The following GATB variants were observed in gnomAD, a reference collection of about 807,000 sequenced individuals.
GATB encodes the protein glutamyl-tRNA amidotransferase subunit B.
A neutral mutation model predicts 62.3 loss-of-function variants in GATB; 39 were observed. The observed-to-expected ratio is 0.63, with a 90% CI of 0.48 to 0.82. The LOEUF (loss-of-function observed/expected upper bound fraction) is 0.82, where lower values mean the gene tolerates loss of function less well. Ranked by LOEUF, GATB falls within the 40% of genes least tolerant of loss-of-function variation. GATB has a pLI of 0.00. For synonymous variants in GATB, 276 were observed against 258.9 expected, an observed-to-expected ratio of 1.07 and a Z score of -0.63; for missense variants, 670 against 684.0, an observed-to-expected ratio of 0.98 and a Z score of 0.23.
chr4:151,690,229 A>T (rs1738335643), intron 9 of GATB, among the ~76,000 whole-genome samples: 1 of 152,238 alleles, frequency 6.6e-6, no homozygotes, highest in African/African-American at 2.4e-5. Context: ...CAGAAATTCC[A>T]TAATAATAAA....
intron 2 of GATB, among the ~76,000 whole-genome samples, chr4:151,754,287 G>A (rs537049504): frequency 2.0e-5 from 3 of 152,264 alleles, no homozygotes; most frequent in East Asian, 1.9e-4. Flanking sequence ...AGCAAGCCAC[G>A]TTGTTTTTCT....
intron 2 of GATB, among the ~76,000 whole-genome samples, chr4:151,745,580 G>A (rs928592987): frequency 1.2e-4 from 19 of 152,222 alleles, no homozygotes; most frequent in African/African-American, 4.6e-4. Flanking sequence ...CTGCTGCAAT[G>A]TGCATACATA....
At chr4:151,731,115 C>G (rs986665395) in intron 2 of GATB, among the ~76,000 whole-genome samples, 1 of 150,610 alleles carries the variant, frequency 6.6e-6, no homozygotes, top group African/African-American at 2.5e-5. Context: ...CCCCCTCCCC[C>G]TCTCCCCACG....
chr4:151,752,091 AT>A (rs968380856), intron 2 of GATB, among the ~76,000 whole-genome samples: 1 of 151,966 alleles, frequency 6.6e-6, no homozygotes, highest in African/African-American at 2.4e-5. Flanking sequence ...TAGAATTATA[AT>A]TTTTTTTCCC....
rs564344016 is a variant in GATB, at chr4:151,691,003, C to T, written c.1198-2240G>A. Among the ~76,000 whole-genome samples, 7 of 152,334 alleles carry T rather than the reference C, an allele frequency of 4.6e-5. No homozygotes were observed. In the East Asian group the frequency reaches 1.4e-3, roughly 29 times the overall value. On this transcript the variant is annotated intron_variant, in intron 9 of 12. Coordinates refer to ENST00000263985, the MANE Select transcript of GATB (RefSeq NM_004564.3). The stretch of plus-strand genomic sequence containing the variant: ...CTGCTTCTGAGGGAAGAAACACACA[C>T]ATTCTAGTTTCCTCATCTTCTTAGT...
chr4:151,674,453 ATAATAAAAGT>A (rs1472852333), intron 11 of GATB: 1 of 152,206 alleles, frequency 6.6e-6, no homozygotes, highest in East Asian at 1.9e-4. Context: ...TCATTTTCTA[ATAATAAAAGT>A]TAATACACAT....
intron 1 of GATB, 26 bp from the exon 2 acceptor site, chr4:151,758,948 G>C (rs1560869462): frequency 6.5e-7 from 1 of 1,545,630 alleles, no homozygotes; most frequent in Non-Finnish European, 8.8e-7. Context: ...TAATGGTTAA[G>C]ATGTATTATA....
chr4:151,703,508 A>G (rs1578911064), intron 8 of GATB: 2 of 304,630 alleles, frequency 6.6e-6, no homozygotes, highest in East Asian at 1.4e-4. Context: ...CGTATTACTG[A>G]ATCAGTTACT....
intron 11 of GATB, 60 bp downstream of exon 11, chr4:151,679,753 C>A: frequency 7.1e-7 from 1 of 1,401,430 alleles, no homozygotes; most frequent in South Asian, 1.2e-5. Flanking sequence ...ATTTGGGTGT[C>A]ACAGAAAACA....
chr4:151,689,713 C>T (rs1431021264), intron 9 of GATB, among the ~76,000 whole-genome samples: 1 of 152,114 alleles, frequency 6.6e-6, no homozygotes, highest in African/African-American at 2.4e-5. Flanking sequence ...TGTCTCCCGT[C>T]AGCATGTATG....
chr4:151,714,827 T>TA (rs1042676557), intron 5 of GATB, among the ~76,000 whole-genome samples: 2 of 152,220 alleles, frequency 1.3e-5, no homozygotes, highest in Non-Finnish European at 2.9e-5. Flanking sequence ...GTGATAAATC[T>TA]AAAATTGAGA....
chr4:151,689,890 G>A (rs556579056), intron 9 of GATB, among the ~76,000 whole-genome samples: 1 of 152,236 alleles, frequency 6.6e-6, no homozygotes, highest in East Asian at 1.9e-4. Flanking sequence ...AGAAATTTAG[G>A]TAAGTCCACC....
intron 10 of GATB, chr4:151,687,156 T>G (rs1453040463): frequency 1.3e-5 from 2 of 152,150 alleles, no homozygotes; most frequent in Admixed American, 6.6e-5. Context: ...AGAGGCTAAG[T>G]GAACATGAGC....
intron 2 of GATB, among the ~76,000 whole-genome samples, chr4:151,743,601 A>T (rs1739540531): frequency 6.6e-6 from 1 of 152,254 alleles, no homozygotes; most frequent in African/African-American, 2.4e-5. Flanking sequence ...GTTGAGAGCT[A>T]ATCACTGAAC....
At chr4:151,714,074 T>C (rs2126976186) in intron 5 of GATB, among the ~76,000 whole-genome samples, 1 of 152,374 alleles carries the variant, frequency 6.6e-6, no homozygotes, top group East Asian at 1.9e-4. Flanking sequence ...TGTCTACTTC[T>C]GTACACATTC....
chr4:151,731,833 G>A (rs1739261010), intron 2 of GATB, among the ~76,000 whole-genome samples: 1 of 151,184 alleles, frequency 6.6e-6, no homozygotes, highest in South Asian at 2.1e-4. Context: ...GAGCCCCTCT[G>A]CCCGGCAGCC....
At chr4:151,686,804 T>G (rs1738259421) in intron 10 of GATB, 1 of 152,346 alleles carries the variant, frequency 6.6e-6, no homozygotes. Context: ...TCCCTGAAAG[T>G]TCTCATCTGT....
rs201475235 is a variant in GATB at position 151,731,447 on chromosome 4, C to T, written c.328-11909G>A. On this transcript the variant is annotated intron_variant, in intron 2 of 12. Transcript: ENST00000263985. The stretch of plus-strand genomic sequence containing the variant: ...TGTTGCCCAGGCTGGAGTGCAGTGG[C>T]GTGATCTCGGCTAGCTACAACCTCC... 6.4e-4 allele frequency among the ~76,000 whole-genome samples: 98 copies of T among 152,238 alleles called. 3 individuals carry two copies. In the East Asian group the frequency reaches 0.018, roughly 28 times the overall value.
At chr4:151,679,254 T>A (rs1234032706) in intron 11 of GATB, among the ~76,000 whole-genome samples, 2 of 152,202 alleles carry the variant, frequency 1.3e-5, no homozygotes, top group Non-Finnish European at 2.9e-5. Context: ...TGCCTAGCAC[T>A]TAGGCAGAGG....
Sources: allele counts gnomAD v4.1 joint callset (sites outside exome capture counted in the v4.1 genomes callset), GRCh38; gene constraint gnomAD v4.1.1; transcripts MANE v1.5; gene names NCBI Gene and HGNC (gene_info 2026-07-23, HGNC 2026-07-21).